Variants in TM7SF3 observed in about 807,000 individuals in gnomAD.
TM7SF3 encodes the protein seven span transmembrane protein.
In TM7SF3, 60 loss-of-function variants were observed where a neutral mutation model predicts 65.5. The ratio of observed to expected loss-of-function variants is 0.92; its 90% CI spans 0.74 to 1.14. TM7SF3 has a LOEUF of 1.14. Among genes scored for constraint, TM7SF3 ranks in the 50% most tolerant of loss-of-function variants. The pLI, the probability that TM7SF3 is intolerant of heterozygous loss-of-function variation, is 0.00. For synonymous variants in TM7SF3, 264 were observed against 259.6 expected, an observed-to-expected ratio of 1.02 and a Z score of -0.16; for missense variants, 623 against 684.8, an observed-to-expected ratio of 0.91 and a Z score of 1.01.
At chr12:26,985,652 AAT>A (rs71069288) in intron 6 of TM7SF3, among the ~76,000 whole-genome samples, 1,670 of 39,012 alleles carry the variant, frequency 0.043, 49 homozygotes, top group Non-Finnish European at 0.052. Context: ...AAAAAAAAAA[AAT>A]ATATATATAT....
At chr12:26,992,862 A>G (rs1205916809) in intron 5 of TM7SF3, among the ~76,000 whole-genome samples, 1 of 151,466 alleles carries the variant, frequency 6.6e-6, no homozygotes, top group African/African-American at 2.4e-5. Context: ...GAAAATGAAT[A>G]ATTTCTTATT....
At chr12:26,996,699 G>T in intron 4 of TM7SF3, 43 bp downstream of exon 4, 1 of 1,583,338 alleles carries the variant, frequency 6.3e-7, no homozygotes, top group Non-Finnish European at 8.6e-7. Context: ...CTGTCGTCAT[G>T]TATATTCTAA....
intron 5 of TM7SF3, among the ~76,000 whole-genome samples, chr12:26,994,135 AAAT>A (rs1003913668): frequency 1.3e-5 from 2 of 152,190 alleles, no homozygotes; most frequent in African/African-American, 4.8e-5. Context: ...TTCTTCATAA[AAAT>A]AATAATAGTA....
intron 1 of TM7SF3, among the ~76,000 whole-genome samples, chr12:27,012,082 A>C (rs900880071): frequency 3.9e-5 from 6 of 152,182 alleles, no homozygotes; most frequent in Non-Finnish European, 8.8e-5. Context: ...TATTTTGAAG[A>C]ATGAGGATTC....
At chr12:26,977,492 G>A (rs1212544086) in intron 9 of TM7SF3, among the ~76,000 whole-genome samples, 1 of 152,210 alleles carries the variant, frequency 6.6e-6, no homozygotes, top group Non-Finnish European at 1.5e-5. Context: ...GGTGGCTCAC[G>A]CCTGTAATCC....
chr12:27,004,992 G>A (rs1326720000), intron 1 of TM7SF3, among the ~76,000 whole-genome samples: 4 of 152,102 alleles, frequency 2.6e-5, no homozygotes, highest in South Asian at 2.1e-4. Flanking sequence ...TTGTGTGCAC[G>A]TGTTTTTTCT....
intron 4 of TM7SF3, among the ~76,000 whole-genome samples, chr12:26,996,369 T>C (rs896353795): frequency 2.0e-5 from 3 of 152,224 alleles, no homozygotes; most frequent in African/African-American, 7.2e-5. Flanking sequence ...CTATCATTAC[T>C]ATTAAAGCAG....
chr12:27,011,419 C>T (rs1239647351), intron 1 of TM7SF3, among the ~76,000 whole-genome samples: 1 of 152,220 alleles, frequency 6.6e-6, no homozygotes, highest in Non-Finnish European at 1.5e-5. Flanking sequence ...TGATCCATCT[C>T]ATGTGCCTAC....
intron 1 of TM7SF3, among the ~76,000 whole-genome samples, chr12:27,007,806 C>T (rs183093379): frequency 1.2e-4 from 19 of 152,210 alleles, no homozygotes; most frequent in Admixed American, 6.5e-4. Context: ...TTTATTTGGA[C>T]GAATTCAATT....
intron 5 of TM7SF3, among the ~76,000 whole-genome samples, chr12:26,991,114 A>G (rs1940336612): frequency 6.8e-6 from 1 of 147,290 alleles, no homozygotes; most frequent in Admixed American, 6.7e-5. Context: ...AAAATATTAC[A>G]TGAGGTTTTG....
At chr12:26,984,847 G>C (rs531788273) in intron 6 of TM7SF3, among the ~76,000 whole-genome samples, 1 of 152,306 alleles carries the variant, frequency 6.6e-6, no homozygotes, top group African/African-American at 2.4e-5. Context: ...GGAGTGAATA[G>C]ACTAGGACAG....
At chr12:26,996,174 G>T (rs1940589173) in intron 4 of TM7SF3, among the ~76,000 whole-genome samples, 2 of 151,286 alleles carry the variant, frequency 1.3e-5, no homozygotes, top group South Asian at 2.1e-4. Context: ...AAAAGAAGAA[G>T]AATATAGCAG....
intron 6 of TM7SF3, among the ~76,000 whole-genome samples, chr12:26,985,268 G>T (rs888799889): frequency 6.6e-6 from 1 of 152,050 alleles, no homozygotes; most frequent in Admixed American, 6.5e-5. Context: ...AGGCTGAGGC[G>T]GGTGGATCAC....
At chr12:27,005,513 A>G (rs1940997831) in intron 1 of TM7SF3, among the ~76,000 whole-genome samples, 1 of 152,188 alleles carries the variant, frequency 6.6e-6, no homozygotes, top group African/African-American at 2.4e-5. Context: ...ATCTCCCATG[A>G]CATGAGCCTT....
intron 6 of TM7SF3, among the ~76,000 whole-genome samples, chr12:26,985,811 T>TG (rs1449811346): frequency 1.0e-5 from 1 of 97,066 alleles, no homozygotes. Flanking sequence ...TTTTCGTTTT[T>TG]TTTTTTTTTT....
intron 1 of TM7SF3, 108 bp downstream of exon 1, chr12:27,013,966 AACGC>A: frequency 1.1e-6 from 1 of 902,216 alleles, no homozygotes; most frequent in South Asian, 1.4e-5. Context: ...AGCGTGTACC[AACGC>A]CCCCAGCACC....
intron 7 of TM7SF3, among the ~76,000 whole-genome samples, chr12:26,982,135 G>C (rs1485676482): frequency 6.6e-6 from 1 of 151,932 alleles, no homozygotes; most frequent in African/African-American, 2.4e-5. Context: ...CCGGGCTCAA[G>C]CAATCCTCCC....
intron 2 of TM7SF3, among the ~76,000 whole-genome samples, chr12:27,001,217 T>C (rs1940818692): frequency 6.6e-6 from 1 of 152,136 alleles, no homozygotes; most frequent in South Asian, 2.1e-4. Context: ...GGCCATCATC[T>C]TCTAAGTAAT....
chr12:26,979,967 T>C (rs1274684064), intron 8 of TM7SF3, 31 bp from the exon 9 acceptor site: 2 of 1,613,612 alleles, frequency 1.2e-6, no homozygotes, highest in Admixed American at 1.7e-5. Flanking sequence ...AACTGCTGGA[T>C]AACCGGCAGT....
Sources: gnomAD v4.1 joint callset for allele counts (sites outside exome capture counted in the v4.1 genomes callset) on GRCh38, gnomAD v4.1.1 for gene constraint, MANE v1.5 for transcripts, NCBI Gene and HGNC (gene_info 2026-07-23, HGNC 2026-07-21) for gene names.